Variants in TWSG1 observed in about 807,000 individuals in gnomAD.
The protein encoded by TWSG1 is twisted gastrulation BMP signaling modulator 1, also known as twisted gastrulation protein homolog 1.
TWSG1 carries 15 observed loss-of-function variants against 23.0 expected under a neutral mutation model. That is an observed-to-expected ratio of 0.65 (90% CI 0.44 to 1.00). TWSG1 has a LOEUF of 1.00. Ranked by LOEUF, TWSG1 falls within the 50% of genes least tolerant of loss-of-function variation. The pLI, the probability that TWSG1 is intolerant of heterozygous loss-of-function variation, is 0.00. For missense variants in TWSG1, 242 were observed against 278.7 expected, an observed-to-expected ratio of 0.87 and a Z score of 0.94; for synonymous variants, 86 against 92.8, an observed-to-expected ratio of 0.93 and a Z score of 0.42.
intron 3 of TWSG1, among the ~76,000 whole-genome samples, chr18:9,391,253 T>G (rs2040711244): frequency 6.6e-6 from 1 of 152,250 alleles, no homozygotes; most frequent in Non-Finnish European, 1.5e-5. Context: ...GCTCCGCTTC[T>G]AATTCTAGTT....
chr18:9,353,228 T>A (rs907298049), intron 2 of TWSG1, among the ~76,000 whole-genome samples: 3 of 18,354 alleles, frequency 1.6e-4, no homozygotes, highest in East Asian at 2.4e-3. Flanking sequence ...GATGCATTTT[T>A]CAGAATGTAT....
intron 2 of TWSG1, among the ~76,000 whole-genome samples, chr18:9,357,626 GCATTC>G (rs2040532903): frequency 6.6e-6 from 1 of 152,188 alleles, no homozygotes; most frequent in South Asian, 2.1e-4. Context: ...CATATCAATA[GCATTC>G]CATTAGGTCT....
At chr18:9,366,918 T>C (rs2040581789) in intron 3 of TWSG1, among the ~76,000 whole-genome samples, 1 of 152,178 alleles carries the variant, frequency 6.6e-6, no homozygotes, top group Non-Finnish European at 1.5e-5. Context: ...CTGTGTATGG[T>C]GAGAACACTT....
At chr18:9,353,788 A>G (rs1369359061) in intron 2 of TWSG1, among the ~76,000 whole-genome samples, 1 of 152,188 alleles carries the variant, frequency 6.6e-6, no homozygotes, top group African/African-American at 2.4e-5. Flanking sequence ...AGGAACAACC[A>G]CACTTTCTCT....
intron 3 of TWSG1, among the ~76,000 whole-genome samples, chr18:9,384,689 G>A (rs1158965486): frequency 1.3e-5 from 2 of 149,196 alleles, no homozygotes; most frequent in East Asian, 2.0e-4. Context: ...TCTGTCGCCC[G>A]GGCTGGAGTG....
At chr18:9,385,863 T>C (rs945094122) in intron 3 of TWSG1, among the ~76,000 whole-genome samples, 1 of 151,812 alleles carries the variant, frequency 6.6e-6, no homozygotes, top group African/African-American at 2.4e-5. Context: ...TAAGAAAGCT[T>C]TTGCAAATTT....
chr18:9,389,033 G>A (rs557259708), intron 3 of TWSG1, among the ~76,000 whole-genome samples: 1 of 152,044 alleles, frequency 6.6e-6, no homozygotes, highest in Non-Finnish European at 1.5e-5. Context: ...CTGGAGTGCA[G>A]TGGTGCAATC....
intron 3 of TWSG1, 73 bp from the exon 4 acceptor site, chr18:9,396,207 T>A: frequency 1.6e-5 from 15 of 931,226 alleles, no homozygotes; most frequent in Non-Finnish European, 2.1e-5. Flanking sequence ...AGAAGTTACA[T>A]AATTTTAATG....
intron 2 of TWSG1, among the ~76,000 whole-genome samples, chr18:9,348,087 T>G (rs1298051748): frequency 6.6e-6 from 1 of 152,244 alleles, no homozygotes; most frequent in Non-Finnish European, 1.5e-5. Flanking sequence ...ACTTACAGAC[T>G]GGACTTACAG....
intron 2 of TWSG1, among the ~76,000 whole-genome samples, chr18:9,346,822 TTTC>T (rs2145595622): frequency 6.6e-6 from 1 of 152,274 alleles, no homozygotes; most frequent in South Asian, 2.1e-4. Flanking sequence ...GGGCATAAGT[TTTC>T]ACTTCATTTG....
At chr18:9,342,757 C>T (rs945778324) in intron 2 of TWSG1, among the ~76,000 whole-genome samples, 2 of 152,104 alleles carry the variant, frequency 1.3e-5, no homozygotes, top group Non-Finnish European at 2.9e-5. Flanking sequence ...TCTTGGATTT[C>T]GTATCTTGTT....
chr18:9,373,395 A>G lies in TWSG1; in HGVS notation c.223+13324A>G, dbSNP rs1451423976. On this transcript the variant is annotated intron_variant, in intron 3 of 4. Coordinates refer to ENST00000262120, the MANE Select transcript of TWSG1 (RefSeq NM_020648.6). ...AAAAAAATACAAAAATTAGCTGGGC[A>G]TAGTGGTGCATGCCTATAATCCCAG... Among the ~76,000 whole-genome samples the G allele has an allele frequency of 2.0e-5, 3 of 152,136 alleles. No individual in the cohort carries two copies. In the East Asian group the frequency reaches 5.8e-4, roughly 29 times the overall value.
chr18:9,360,896 C>A (rs189724876), intron 3 of TWSG1, among the ~76,000 whole-genome samples: 2 of 152,142 alleles, frequency 1.3e-5, no homozygotes, highest in Non-Finnish European at 2.9e-5. Context: ...TGAATAATAA[C>A]CCTATACTAC....
In TWSG1 at chr18:9,401,917, A is replaced by G. The variant is rs781650740; in HGVS notation, c.*2390A>G. The G allele has an allele frequency of 7.9e-5, 12 of 152,136 alleles. No homozygotes were observed. The highest frequency in any genetic ancestry group is 1.6e-4 in the Non-Finnish European group (11 of 68,000). The allele number at this position is 152,136 out of a possible 1,614,324, so 9.4% of individuals were successfully genotyped here. A position where few individuals can be genotyped will look rare whatever the true frequency, so the allele number is the denominator to read the frequency against. On this transcript the variant is annotated 3_prime_UTR_variant, in exon 5 of 5. Coordinates refer to ENST00000262120, the MANE Select transcript of TWSG1 (RefSeq NM_020648.6). ...AGCACTAGGTTTTAAATCAGTGGGT[A>G]TCATAAAAGCCATATATAAAAGATC...
At chr18:9,343,209 GTTAT>G (rs2040454238) in intron 2 of TWSG1, among the ~76,000 whole-genome samples, 1 of 32,758 alleles carries the variant, frequency 3.1e-5, no homozygotes, top group African/African-American at 1.1e-4. Flanking sequence ...TTTGTTTTTT[GTTAT>G]ATATATATAT....
At chr18:9,381,906 C>T (rs377092539) in intron 3 of TWSG1, among the ~76,000 whole-genome samples, 6 of 152,140 alleles carry the variant, frequency 3.9e-5, no homozygotes, top group African/African-American at 1.4e-4. Context: ...ACATTGCTAG[C>T]ACCACCAAAA....
chr18:9,347,503 C>CT (rs1358847610), intron 2 of TWSG1, among the ~76,000 whole-genome samples: 3 of 151,926 alleles, frequency 2.0e-5, no homozygotes, highest in Non-Finnish European at 4.4e-5. Context: ...TTTGGATTTT[C>CT]TTTCATTTCT....
At chr18:9,354,671 T>C (rs2040516716) in intron 2 of TWSG1, among the ~76,000 whole-genome samples, 1 of 152,200 alleles carries the variant, frequency 6.6e-6, no homozygotes, top group Non-Finnish European at 1.5e-5. Context: ...TGATGTACTA[T>C]TATGCGCTGA....
Position 9,359,333 on chromosome 18 carries a change from C to T in TWSG1, c.124-639C>T, listed in dbSNP as rs117154330. 7.3e-3 allele frequency among the ~76,000 whole-genome samples: 1,105 copies of T among 152,230 alleles called. 5 individuals are homozygous for T. Among genetic ancestry groups the T allele is most frequent in the Middle Eastern group, 0.031 (9 of 294 alleles). Reference sequence around the variant, plus strand: ...CTCAAGGCTTCTTGAGGTCTAAACTCAGAAGTGACATAATCTCATATCCAC... The same window carrying T: ...CTCAAGGCTTCTTGAGGTCTAAACTTAGAAGTGACATAATCTCATATCCAC... On this transcript the variant is annotated intron_variant, in intron 2 of 4. Transcript: ENST00000262120.
Sources: allele counts gnomAD v4.1 joint callset (sites outside exome capture counted in the v4.1 genomes callset), GRCh38; gene constraint gnomAD v4.1.1; transcripts MANE v1.5; gene names NCBI Gene and HGNC (gene_info 2026-07-23, HGNC 2026-07-21).